The following TCF7L1 variants were observed in gnomAD, a reference collection of about 807,000 sequenced individuals.
TCF7L1 encodes transcription factor 7-like 1.
In TCF7L1, 18 loss-of-function variants were observed where a neutral mutation model predicts 63.7. The ratio of observed to expected loss-of-function variants is 0.28; its 90% CI spans 0.20 to 0.42. The LOEUF (loss-of-function observed/expected upper bound fraction) is 0.42. Ranked by LOEUF, TCF7L1 falls within the 10% of genes least tolerant of loss-of-function variation. The pLI is 1.00. For synonymous variants in TCF7L1, 355 were observed against 340.9 expected, an observed-to-expected ratio of 1.04 and a Z score of -0.46; for missense variants, 654 against 779.3, an observed-to-expected ratio of 0.84 and a Z score of 1.91.
At chr2:85,279,210 C>T (rs1681356176) in intron 3 of TCF7L1, among the ~76,000 whole-genome samples, 1 of 152,198 alleles carries the variant, frequency 6.6e-6, no homozygotes, top group Non-Finnish European at 1.5e-5. Flanking sequence ...AGGACATGCT[C>T]CCACCCATGA....
intron 3 of TCF7L1, among the ~76,000 whole-genome samples, chr2:85,207,911 T>G (rs909714714): frequency 2.0e-5 from 3 of 152,082 alleles, no homozygotes; most frequent in Non-Finnish European, 2.9e-5. Context: ...TAAATGCATT[T>G]TTTTTGGGGG....
At chr2:85,241,715 G>A (rs1421787467) in intron 3 of TCF7L1, among the ~76,000 whole-genome samples, 1 of 152,062 alleles carries the variant, frequency 6.6e-6, no homozygotes, top group Non-Finnish European at 1.5e-5. Context: ...AAAGTGCTGG[G>A]ATTATAGGCA....
rs140057681 is a variant in TCF7L1, at chr2:85,135,702, G to C, written c.441+1252G>C. ...CAGATGGGTTGGAGGGGGATTGACG[G>C]GGGGCGGTGGAAGAGACTCTGACTG... On this transcript the variant is annotated intron_variant, in intron 3 of 11. Transcript: ENST00000282111. Among the ~76,000 whole-genome samples, 1,361 of 151,962 alleles carry C rather than the reference G, an allele frequency of 9.0e-3. 10 individuals carry two copies. The highest frequency in any genetic ancestry group is 0.015 in the Non-Finnish European group (1,026 of 67,958).
chr2:85,133,958 CG>C lies in TCF7L1; in HGVS notation c.249+30del. Reference sequence around the variant, plus strand: ...GGTAAGGAAGCACCGCGGCCACCCCCGGGGGATCCCGGCCCTGCGTCCGCTC... The same window carrying C: ...GGTAAGGAAGCACCGCGGCCACCCCCGGGGATCCCGGCCCTGCGTCCGCTC... On this transcript the variant is annotated intron_variant, in intron 1 of 11. Coordinates refer to ENST00000282111, the MANE Select transcript of TCF7L1 (RefSeq NM_031283.3). The surrounding 1 kb of genome is among the most constrained non-coding windows in gnomAD (Gnocchi z 4.4). 1 of 1,573,838 alleles carries C rather than the reference CG, an allele frequency of 6.4e-7. No individual in the cohort carries two copies. The highest frequency in any genetic ancestry group is 1.4e-5 in the African/African-American group (1 of 73,420).
chr2:85,291,869 C>G (rs1681724633), intron 4 of TCF7L1, among the ~76,000 whole-genome samples: 1 of 152,052 alleles, frequency 6.6e-6, no homozygotes, highest in Non-Finnish European at 1.5e-5. Flanking sequence ...CCACATCCAG[C>G]TATTTTTATT....
chr2:85,209,494 A>G (rs1293153816), intron 3 of TCF7L1, among the ~76,000 whole-genome samples: 2 of 152,214 alleles, frequency 1.3e-5, no homozygotes, highest in African/African-American at 4.8e-5. Flanking sequence ...GCACTGTTTG[A>G]AACCTCAATG....
intron 4 of TCF7L1, among the ~76,000 whole-genome samples, chr2:85,299,534 CAG>C (rs1681914338): frequency 6.7e-6 from 1 of 150,156 alleles, no homozygotes; most frequent in African/African-American, 2.5e-5. Flanking sequence ...GCCTGGGTGA[CAG>C]AGCAAGACTC....
At chr2:85,224,080 T>A (rs1679904243) in intron 3 of TCF7L1, among the ~76,000 whole-genome samples, 1 of 152,214 alleles carries the variant, frequency 6.6e-6, no homozygotes, top group Admixed American at 6.5e-5. Context: ...GAATGATGGT[T>A]TCCAGCTTCA....
chr2:85,255,110 T>G (rs1343282477), intron 3 of TCF7L1, among the ~76,000 whole-genome samples: 1 of 152,108 alleles, frequency 6.6e-6, no homozygotes, highest in African/African-American at 2.4e-5. Flanking sequence ...TGAGATGGCC[T>G]CAAGAGTGTG....
chr2:85,191,539 G>T (rs561607714), intron 3 of TCF7L1, among the ~76,000 whole-genome samples: 7 of 152,328 alleles, frequency 4.6e-5, no homozygotes, highest in East Asian at 1.9e-4. Context: ...GCATTTAGAA[G>T]TTGATTTCCT....
intron 3 of TCF7L1, among the ~76,000 whole-genome samples, chr2:85,230,986 G>T (rs983024655): frequency 6.6e-6 from 1 of 152,054 alleles, no homozygotes; most frequent in African/African-American, 2.4e-5. Flanking sequence ...TTGAAATCTT[G>T]GTCCCCTCAG....
At chr2:85,267,593 G>A (rs1681007831) in intron 3 of TCF7L1, among the ~76,000 whole-genome samples, 1 of 148,768 alleles carries the variant, frequency 6.7e-6, no homozygotes, top group South Asian at 2.1e-4. Context: ...AGGTTGCAGT[G>A]AGCCAAGATC....
chr2:85,276,257 T>C (rs1681266438), intron 3 of TCF7L1, among the ~76,000 whole-genome samples: 1 of 152,202 alleles, frequency 6.6e-6, no homozygotes, highest in Non-Finnish European at 1.5e-5. Flanking sequence ...TTAGATCCAT[T>C]TGTGAACTTT....
At chr2:85,188,645 G>T (rs1342670563) in intron 3 of TCF7L1, among the ~76,000 whole-genome samples, 1 of 152,114 alleles carries the variant, frequency 6.6e-6, no homozygotes, top group Non-Finnish European at 1.5e-5. Context: ...GTGAATTTAG[G>T]ATGATGGATT....
intron 3 of TCF7L1, among the ~76,000 whole-genome samples, chr2:85,251,310 G>T (rs1201562354): frequency 6.6e-6 from 1 of 152,168 alleles, no homozygotes; most frequent in Non-Finnish European, 1.5e-5. Context: ...CCCATATCCG[G>T]ATATTATTAT....
At chr2:85,213,334 C>G (rs548172069) in intron 3 of TCF7L1, among the ~76,000 whole-genome samples, 1 of 152,282 alleles carries the variant, frequency 6.6e-6, no homozygotes, top group East Asian at 1.9e-4. Flanking sequence ...GACATATTCC[C>G]TACAAATCAG....
In TCF7L1 at chr2:85,283,681, G is replaced by A. The variant is rs1223149756; in HGVS notation, c.525+103G>A. 5.4e-6 allele frequency: 7 copies of A among 1,286,936 alleles called. No individual in the cohort carries two copies. In the Admixed American group the frequency reaches 1.0e-4, roughly 19 times the overall value. 79.7% of individuals were successfully genotyped at this position (1,286,936 alleles called of 1,614,324 possible). A position where few individuals can be genotyped will look rare whatever the true frequency, so the allele number is the denominator to read the frequency against. ...GCTGAAGCAGATGGGGTCCAACAGTGTTTCCTCAAATGTGTGAGTACAGTG... is the reference window on the plus strand; with the variant it reads ...GCTGAAGCAGATGGGGTCCAACAGTATTTCCTCAAATGTGTGAGTACAGTG... On this transcript the variant is annotated intron_variant, in intron 4 of 11. Transcript: ENST00000282111.
intron 3 of TCF7L1, among the ~76,000 whole-genome samples, chr2:85,270,432 GC>G (rs1368601752): frequency 6.6e-6 from 1 of 152,156 alleles, no homozygotes; most frequent in Non-Finnish European, 1.5e-5. Flanking sequence ...CCTGGTTTCT[GC>G]CCCTCCTTCT....
At chr2:85,292,619 C>G (rs1157730074) in intron 4 of TCF7L1, among the ~76,000 whole-genome samples, 1 of 152,138 alleles carries the variant, frequency 6.6e-6, no homozygotes. Flanking sequence ...CTCTGTCACC[C>G]AGGCTGGAGT....
Sources: allele counts gnomAD v4.1 joint callset (sites outside exome capture counted in the v4.1 genomes callset), GRCh38; gene constraint gnomAD v4.1.1; non-coding constraint Gnocchi (gnomAD v3.1); transcripts MANE v1.5; gene names NCBI Gene and HGNC (gene_info 2026-07-23, HGNC 2026-07-21).